The following PSG3 variants were observed in gnomAD, a reference collection of about 807,000 sequenced individuals.
PSG3 encodes the protein pregnancy specific beta-1-glycoprotein 3.
A neutral mutation model predicts 47.5 loss-of-function variants in PSG3; 61 were observed. That is an observed-to-expected ratio of 1.28 (90% CI 1.05 to 1.59). The LOEUF (loss-of-function observed/expected upper bound fraction) is 1.59, where lower values mean the gene tolerates loss of function less well. PSG3 is among the 40% of genes most tolerant of loss of function. The probability of loss-of-function intolerance (pLI) is 0.00; values close to 1 mark genes in which losing one functional copy is unlikely to be tolerated. For missense variants in PSG3, 756 were observed against 524.0 expected (o/e 1.44, Z -4.32); for synonymous variants, 263 against 198.4 (o/e 1.33, Z -2.74).
At position 42,729,996 on chromosome 19, in the gene PSG3, A is replaced by G. The variant is rs1311398117; in HGVS notation, c.770T>C (p.Val257Ala). ...CTTAGGTTCACAGGTGAAGGCTAAG[A>G]CATCCTTATTCTCCCTGGGGTTTAA... ...NNLNPRENKD[V>A]LAFTCEPKSE... The change falls in exon 4 of 7, where the codon GTC (valine) becomes GCC (alanine). Residue 257 changes from valine (V) to alanine (A), a missense_variant. Coordinates refer to ENST00000327495, the MANE Select transcript of PSG3 (RefSeq NM_021016.4). The G allele has an allele frequency of 6.2e-7, 1 of 1,612,430 alleles. No homozygotes were observed. Among genetic ancestry groups the G allele is most frequent in the Non-Finnish European group, 8.5e-7 (1 of 1,179,846 alleles).
rs750621519 is a variant in PSG3, at chr19:42,738,902, T to A, written c.252A>T (p.Val84=). ...DLYHYITSYV[V]DGQIIIYGPA... is the part of the protein sequence containing the mutation. The stretch of plus-strand genomic sequence containing the variant: ...GCCCATATATAATTATTTGACCATC[T>A]ACTACGTATGATGTAATGTAATGGT... The change falls in exon 2 of 7, where the codon GTA becomes GTT. Residue 84 remains valine, a synonymous_variant. Coordinates refer to ENST00000327495, the MANE Select transcript of PSG3 (RefSeq NM_021016.4). 1.2e-6 allele frequency: 2 copies of A among 1,613,962 alleles called. No individual in the cohort carries two copies. The highest frequency in any genetic ancestry group is 2.7e-5 in the African/African-American group (2 of 74,886).
rs764225573 is a variant in PSG3 at position 42,732,992 on chromosome 19, T to C, written c.501A>G (p.Leu167=). The C allele has an allele frequency of 1.2e-6, 2 of 1,614,132 alleles. No individual in the cohort carries two copies. The highest frequency in any genetic ancestry group is 2.2e-5 in the South Asian group (2 of 91,066). ...YPREDMEAVS[L]TCDPETPDAS... ...CGTCCGGAGTCTCAGGATCACAGGT[T>C]AAGCTCACAGCCTCCATGTCCTCCC... The change falls in exon 3 of 7, where the codon TTA becomes TTG. Residue 167 remains leucine, a synonymous_variant. Transcript: ENST00000327495.
chr19:42,729,652 G>T, intron 4 of PSG3, 126 bp downstream of exon 4: 1 of 1,543,896 alleles, frequency 6.5e-7, no homozygotes, highest in South Asian at 1.3e-5. Context: ...AGGAAGTTAT[G>T]GCCAGCTCGG....
At chr19:42,722,262 T>G (rs757778443) in intron 6 of PSG3, among the ~76,000 whole-genome samples, 172 bp from the exon 7 acceptor site, 11 of 152,238 alleles carry the variant, frequency 7.2e-5, no homozygotes, top group Non-Finnish European at 1.5e-4. Flanking sequence ...AAAAAAATTT[T>G]TTTTTTGAGA....
chr19:42,729,050 T>A, intron 5 of PSG3, 73 bp downstream of exon 5: 1 of 1,610,748 alleles, frequency 6.2e-7, no homozygotes, highest in Non-Finnish European at 8.5e-7. Context: ...AAAAATGTTT[T>A]CCTGACTCTT....
chr19:42,740,414 T>C lies in PSG3; in HGVS notation c.-30A>G. 6.2e-7 allele frequency: 1 copy of C among 1,613,960 alleles called. No individual in the cohort carries two copies. The highest frequency in any genetic ancestry group is 1.3e-5 in the African/African-American group (1 of 75,040). ...TCTGCTGCCTGCGTGTTCTCCTCTG[T>C]GGAGCTGAGCCTAGGATCCAGAAAC... On this transcript the variant is annotated 5_prime_UTR_variant, in exon 1 of 7. Coordinates refer to ENST00000327495, the MANE Select transcript of PSG3 (RefSeq NM_021016.4).
intron 5 of PSG3, among the ~76,000 whole-genome samples, chr19:42,724,461 T>G (rs1969343813): frequency 6.6e-6 from 1 of 152,154 alleles, no homozygotes; most frequent in Admixed American, 6.5e-5. Flanking sequence ...ACCACCTCCT[T>G]TGCACAGAAA....
intron 2 of PSG3, among the ~76,000 whole-genome samples, chr19:42,735,969 C>G (rs752901442): frequency 6.6e-6 from 1 of 152,218 alleles, no homozygotes; most frequent in African/African-American, 2.4e-5. Context: ...TATCTAGTCT[C>G]AGGCTGGCTG....
chr19:42,727,896 AG>A (rs1388454449), intron 5 of PSG3, among the ~76,000 whole-genome samples: 10 of 152,366 alleles, frequency 6.6e-5, no homozygotes, highest in African/African-American at 2.4e-4. Flanking sequence ...ATAAGTGGGT[AG>A]GCAAATGAGG....
At chr19:42,731,270 G>T (rs1003304247) in intron 3 of PSG3, among the ~76,000 whole-genome samples, 2 of 152,150 alleles carry the variant, frequency 1.3e-5, no homozygotes, top group Non-Finnish European at 2.9e-5. Flanking sequence ...GACATTTTTT[G>T]ATTCTGAAAT....
intron 5 of PSG3, among the ~76,000 whole-genome samples, chr19:42,727,990 A>G (rs1265989692): frequency 1.3e-5 from 2 of 152,236 alleles, no homozygotes; most frequent in African/African-American, 4.8e-5. Context: ...AACCTTGAAG[A>G]TATTATGCTA....
At chr19:42,725,941 T>C (rs1969371694) in intron 5 of PSG3, among the ~76,000 whole-genome samples, 1 of 146,878 alleles carries the variant, frequency 6.8e-6, no homozygotes, top group Non-Finnish European at 1.5e-5. Flanking sequence ...TTACTACCAA[T>C]TCTAATAAAC....
chr19:42,739,759 T>C (rs1453742566), intron 1 of PSG3, among the ~76,000 whole-genome samples: 2 of 152,166 alleles, frequency 1.3e-5, no homozygotes, highest in East Asian at 1.9e-4. Context: ...TCATCTGATA[T>C]AGTTATTATT....
At chr19:42,736,098 A>G (rs2122192699) in intron 2 of PSG3, among the ~76,000 whole-genome samples, 1 of 152,338 alleles carries the variant, frequency 6.6e-6, no homozygotes, top group East Asian at 1.9e-4. Flanking sequence ...TACTTTGCCC[A>G]GGGACTGCCT....
Position 42,732,914 on chromosome 19 carries a change from C to T in PSG3, c.579G>A (p.Leu193=), listed in dbSNP as rs1600386329. 6 of 1,614,104 alleles carry T rather than the reference C, an allele frequency of 3.7e-6. No homozygotes were observed. In the East Asian group the frequency reaches 1.1e-4, roughly 30 times the overall value. Residue 193 remains leucine, a synonymous_variant, in exon 3 of 7, where the codon TTG becomes TTA. Transcript: ENST00000327495. Reference sequence around the variant, plus strand: ...GGGTCCTTTTGTTTTTGGACAACTGCAAGCTGTGAGTCATAGGGAGGCTCT... The same window carrying T: ...GGGTCCTTTTGTTTTTGGACAACTGTAAGCTGTGAGTCATAGGGAGGCTCT... ...NGQSLPMTHS[L]QLSKNKRTLF... is the part of the protein sequence containing the mutation.
intron 5 of PSG3, among the ~76,000 whole-genome samples, chr19:42,725,722 C>T (rs888135603): frequency 2.6e-5 from 4 of 151,620 alleles, no homozygotes; most frequent in South Asian, 2.1e-4. Flanking sequence ...CAATTAGCTG[C>T]GCATGGTGAC....
At chr19:42,732,006 CAT>C (rs1600385287) in intron 3 of PSG3, 2 of 151,854 alleles carry the variant, frequency 1.3e-5, no homozygotes, top group Non-Finnish European at 2.9e-5. Context: ...GGAGCAGAAA[CAT>C]ATTCCCTGTC....
intron 5 of PSG3, 115 bp from the exon 6 acceptor site, chr19:42,724,140 G>T (rs73932790): frequency 1.4e-6 from 2 of 1,424,526 alleles, no homozygotes; most frequent in South Asian, 2.7e-5. Context: ...CAAGGACTAC[G>T]TTATTTCTGT....
intron 2 of PSG3, among the ~76,000 whole-genome samples, chr19:42,737,461 G>C (rs1969584401): frequency 6.6e-6 from 1 of 152,156 alleles, no homozygotes; most frequent in Non-Finnish European, 1.5e-5. Flanking sequence ...TTGTGACAGT[G>C]ACATGGACAC....
Sources: allele counts gnomAD v4.1 joint callset (sites outside exome capture counted in the v4.1 genomes callset), GRCh38; gene constraint gnomAD v4.1.1; transcripts MANE v1.5; gene names NCBI Gene and HGNC (gene_info 2026-07-23, HGNC 2026-07-21).